The following ATP8B1 variants were observed in gnomAD, a reference collection of about 807,000 sequenced individuals.
ATP8B1 encodes ATPase phospholipid transporting 8B1.
ATP8B1 carries 80 observed loss-of-function variants against 149.9 expected under a neutral mutation model. The observed-to-expected ratio is 0.53, with a 90% confidence interval of 0.45 to 0.64. ATP8B1 has a LOEUF of 0.64. Ranked by LOEUF, ATP8B1 falls within the 30% of genes least tolerant of loss-of-function variation. The pLI, the probability that ATP8B1 is intolerant of heterozygous loss-of-function variation, is 0.00. For missense variants in ATP8B1, 1,247 were observed against 1,552.6 expected, an observed-to-expected ratio of 0.80 and a Z score of 3.31; for synonymous variants, 536 against 562.8, an observed-to-expected ratio of 0.95 and a Z score of 0.67.
At chr18:57,746,560 G>T (rs376103581) in intron 1 of ATP8B1, among the ~76,000 whole-genome samples, 1 of 136,390 alleles carries the variant, frequency 7.3e-6, no homozygotes, top group East Asian at 2.2e-4. Flanking sequence ...TACAACCTCC[G>T]CCTCCCTGGT....
intron 1 of ATP8B1, among the ~76,000 whole-genome samples, chr18:57,767,062 T>A (rs780486426): frequency 1.1e-4 from 16 of 151,902 alleles, no homozygotes; most frequent in Non-Finnish European, 1.8e-4. Context: ...GGGAAAGTAA[T>A]GAATAAGGAA....
At chr18:57,688,147 C>G (rs1049701882) in intron 13 of ATP8B1, 152 bp downstream of exon 13, 4 of 874,232 alleles carry the variant, frequency 4.6e-6, no homozygotes, top group Non-Finnish European at 7.4e-6. Flanking sequence ...CATGGTGCTC[C>G]TCTGGTGCTT....
At chr18:57,767,226 A>G (rs1162785923) in intron 1 of ATP8B1, among the ~76,000 whole-genome samples, 1 of 152,224 alleles carries the variant, frequency 6.6e-6, no homozygotes, top group Admixed American at 6.5e-5. Flanking sequence ...GCATAGGTCC[A>G]GTAGAGTCGC....
chr18:57,787,559 CTG>C (rs1164709094), intron 1 of ATP8B1, among the ~76,000 whole-genome samples: 1 of 152,210 alleles, frequency 6.6e-6, no homozygotes, highest in Non-Finnish European at 1.5e-5. Flanking sequence ...ATCTAGAACA[CTG>C]TGGGTGGGGA....
At chr18:57,711,466 A>G (rs1913684000) in intron 2 of ATP8B1, among the ~76,000 whole-genome samples, 1 of 152,248 alleles carries the variant, frequency 6.6e-6, no homozygotes, top group Non-Finnish European at 1.5e-5. Context: ...ATGTACACAC[A>G]CGTGCACATC....
intron 15 of ATP8B1, among the ~76,000 whole-genome samples, chr18:57,675,863 A>C (rs970458635): frequency 2.6e-5 from 4 of 151,966 alleles, no homozygotes; most frequent in Non-Finnish European, 4.4e-5. Flanking sequence ...ACGCCACCAC[A>C]CCTGGCTAAT....
At chr18:57,720,001 G>A (rs1023215519) in intron 2 of ATP8B1, among the ~76,000 whole-genome samples, 83 of 151,926 alleles carry the variant, frequency 5.5e-4, no homozygotes, top group Middle Eastern at 3.4e-3. Flanking sequence ...CACCTCACAC[G>A]GCAGGGTATT....
intron 1 of ATP8B1, among the ~76,000 whole-genome samples, chr18:57,783,694 G>A (rs965208888): frequency 2.0e-5 from 3 of 152,120 alleles, no homozygotes; most frequent in African/African-American, 7.2e-5. Flanking sequence ...AAATTAGCCA[G>A]GCATGGTGGC....
intron 1 of ATP8B1, among the ~76,000 whole-genome samples, chr18:57,756,297 GTA>G (rs2080081215): frequency 9.1e-6 from 1 of 109,378 alleles, no homozygotes; most frequent in African/African-American, 4.0e-5. Context: ...ATGTGTGTGT[GTA>G]TGTATATATA....
rs147341350 is a variant in ATP8B1 at position 57,788,415 on chromosome 18, C to T, written c.-26+14583G>A. Among the ~76,000 whole-genome samples the T allele has an allele frequency of 1.8e-3, 278 of 151,926 alleles. 2 individuals are homozygous for T. The highest frequency in any genetic ancestry group is 5.5e-3 in the African/African-American group (228 of 41,432). Reference sequence around the variant, plus strand: ...CTAAAAATACAAACAATTAGTCGGGCGTGGTGGTGCCCATCTGTAATCCCA... The same window carrying T: ...CTAAAAATACAAACAATTAGTCGGGTGTGGTGGTGCCCATCTGTAATCCCA... On this transcript the variant is annotated intron_variant, in intron 1 of 27. Transcript: ENST00000648908.
rs1912168877 is a variant in ATP8B1, at chr18:57,685,124, C to G, written c.1430-9G>C. The G allele has an allele frequency of 6.2e-7, 1 of 1,614,108 alleles. No homozygotes were observed. Among genetic ancestry groups the G allele is most frequent in the East Asian group, 2.2e-5 (1 of 44,888 alleles). On this transcript the variant is annotated splice_polypyrimidine_tract_variant and intron_variant, in intron 13 of 27. Transcript: ENST00000648908. ...GGCATCCCGATGGTCCCCTGAGAAA[C>G]AAACAGGACAAAACAAATTGATTCT...
rs533450871 is a variant in ATP8B1, at chr18:57,692,208, T to C, written c.1030-211A>G. The stretch of plus-strand genomic sequence containing the variant: ...TGACTGATGTATCCTACATCTCCCA[T>C]AGAAGGTAAGGTTTTGTTCCCAAAA... On this transcript the variant is annotated intron_variant, in intron 11 of 27. Transcript: ENST00000648908. Among the ~76,000 whole-genome samples the C allele has an allele frequency of 5.9e-5, 9 of 152,266 alleles. No homozygotes were observed. The East Asian group carries it at 1.7e-3, about 29-fold the overall frequency.
chr18:57,696,782 G>T (rs1912838642), intron 8 of ATP8B1, among the ~76,000 whole-genome samples: 1 of 152,202 alleles, frequency 6.6e-6, no homozygotes, highest in Admixed American at 6.5e-5. Flanking sequence ...GGGTAATACA[G>T]ACGAATAATA....
At position 57,684,075 on chromosome 18, in the gene ATP8B1, G is replaced by T; in HGVS notation, c.1591C>A (p.Leu531Ile). The change falls in exon 15 of 28, where the codon CTC (leucine) becomes ATC (isoleucine). Residue 531 changes from leucine to isoleucine, a missense_variant. This residue lies in a region of ATP8B1 where 853 missense variants were observed against 1,035.7 expected (regional missense o/e 0.82). Coordinates refer to ENST00000648908, the MANE Select transcript of ATP8B1 (RefSeq NM_001374385.1). ...EPEVRQFFFLLAVCHTVMVDR... is the reference protein window; with the variant it reads ...EPEVRQFFFLIAVCHTVMVDR... ...ACCATGACTGTGTGGCAAACTGCGA[G>T]CAAGAAGAAGAACTGTCGTACTTCT... is the stretch of plus-strand genomic sequence containing the variant. 6.2e-7 allele frequency: 1 copy of T among 1,614,148 alleles called. No individual in the cohort carries two copies. The highest frequency in any genetic ancestry group is 1.7e-5 in the Admixed American group (1 of 60,014).
At chr18:57,797,703 CTTTTTTTT>C (rs59261353) in intron 1 of ATP8B1, among the ~76,000 whole-genome samples, 4 of 96,288 alleles carry the variant, frequency 4.2e-5, no homozygotes, top group African/African-American at 1.3e-4. Context: ...TTCTTTCTTT[CTTTTTTTT>C]TTTTTTTTTT....
chr18:57,800,916 C>G (rs1012531955), intron 1 of ATP8B1, among the ~76,000 whole-genome samples: 2 of 152,184 alleles, frequency 1.3e-5, no homozygotes, highest in African/African-American at 2.4e-5. Context: ...GGTAGTGACT[C>G]CATTAGCACT....
chr18:57,798,981 T>G (rs541054325), intron 1 of ATP8B1, among the ~76,000 whole-genome samples: 1 of 152,362 alleles, frequency 6.6e-6, no homozygotes, highest in East Asian at 1.9e-4. Context: ...AGGCAATGGC[T>G]GGGTGAGTGA....
chr18:57,650,538 TC>T, intron 26 of ATP8B1, 41 bp from the exon 27 acceptor site: 1 of 1,603,970 alleles, frequency 6.2e-7, no homozygotes, highest in Non-Finnish European at 8.5e-7. Flanking sequence ...GGTTCTTTTT[TC>T]CTAAGAACAT....
Position 57,661,284 on chromosome 18 carries a change from C to A in ATP8B1, c.2597G>T (p.Cys866Phe), listed in dbSNP as rs1409156930. Reference sequence around the variant, plus strand: ...GGCCTTCTGCTTGGGGGTGACGCGGCAGCAGATGACTGCGCTGCACTCGCA... The same window carrying A: ...GGCCTTCTGCTTGGGGGTGACGCGGAAGCAGATGACTGCGCTGCACTCGCA... The part of the protein sequence containing the change: ...LACECSAVIC[C>F]RVTPKQKAMV... Residue 866 changes from cysteine (C) to phenylalanine (F), a missense_variant, in exon 22 of 28, where the codon TGC becomes TTC. Cys to Phe is a radical substitution (Grantham distance 205, BLOSUM62 -2). Coordinates refer to ENST00000648908, the MANE Select transcript of ATP8B1 (RefSeq NM_001374385.1). 6.2e-7 allele frequency: 1 copy of A among 1,613,902 alleles called. No individual in the cohort carries two copies. Among genetic ancestry groups the A allele is most frequent in the Non-Finnish European group, 8.5e-7 (1 of 1,180,020 alleles).
Sources: allele counts gnomAD v4.1 joint callset (sites outside exome capture counted in the v4.1 genomes callset), GRCh38; gene constraint gnomAD v4.1.1; regional missense constraint gnomAD v4.1.1; transcripts MANE v1.5; gene names NCBI Gene and HGNC (gene_info 2026-07-23, HGNC 2026-07-21).